Variants in EFR3B observed in about 807,000 individuals in gnomAD.
The protein encoded by EFR3B is EFR3 homolog B, also known as protein EFR3 homolog B.
A neutral mutation model predicts 104.7 loss-of-function variants in EFR3B; 64 were observed. The observed-to-expected ratio is 0.61, with a 90% CI of 0.50 to 0.75. The LOEUF (loss-of-function observed/expected upper bound fraction) is 0.75, where lower values mean the gene tolerates loss of function less well. Among genes scored for constraint, EFR3B ranks in the 30% least tolerant of loss-of-function variants. EFR3B has a pLI of 0.00. For missense variants in EFR3B, 750 were observed against 1,078.5 expected, an observed-to-expected ratio of 0.70 and a Z score of 4.27; for synonymous variants, 385 against 417.9, an observed-to-expected ratio of 0.92 and a Z score of 0.96.
intron 21 of EFR3B, among the ~76,000 whole-genome samples, 175 bp from the exon 22 acceptor site, chr2:25,153,537 C>T (rs1384814305): frequency 2.0e-5 from 3 of 152,062 alleles, no homozygotes; most frequent in South Asian, 2.1e-4. Flanking sequence ...TTCCCTGATC[C>T]GAATCTGCAG....
In EFR3B at chr2:25,137,261, A is replaced by T. The variant is rs1467840128; in HGVS notation, c.1561-80A>T. 2.0e-6 allele frequency: 3 copies of T among 1,482,632 alleles called. No homozygotes were observed. In the East Asian group the frequency reaches 7.4e-5, roughly 37 times the overall value. 91.8% of individuals were successfully genotyped at this position (1,482,632 alleles called of 1,614,324 possible). A position where few individuals can be genotyped will look rare whatever the true frequency, so the allele number is the denominator to read the frequency against. On this transcript the variant is annotated intron_variant, in intron 14 of 22. Transcript: ENST00000403714. This position sits in a 1 kb window ranked among gnomAD's most constrained non-coding sequence, Gnocchi z 4.7. Reference sequence around the variant, plus strand: ...ACACAGCCATCCTGCCCCCCTTCAGATTGGTCTTCCTCCGTGTTCTCCTTG... The same window carrying T: ...ACACAGCCATCCTGCCCCCCTTCAGTTTGGTCTTCCTCCGTGTTCTCCTTG...
chr2:25,091,366 A>C lies in EFR3B; in HGVS notation c.49A>C (p.Arg17=), dbSNP rs368229278. ...TGGTGCCCTACGCCCCAGGTACAAA[A>C]GGCTGGTTGACAACATCTTCCCTGA... is the stretch of plus-strand genomic sequence containing the variant. ...CCGALRPRYK[R]LVDNIFPEDP... is the part of the protein sequence containing the mutation. The change falls in exon 2 of 23, where the codon AGG becomes CGG. Residue 17 remains arginine (R), a synonymous_variant. Coordinates refer to ENST00000403714, the MANE Select transcript of EFR3B (RefSeq NM_014971.2). The C allele has an allele frequency of 1.9e-6, 3 of 1,549,660 alleles. No individual in the cohort carries two copies. Among genetic ancestry groups the C allele is most frequent in the Non-Finnish European group, 2.6e-6 (3 of 1,146,294 alleles).
Position 25,070,889 on chromosome 2 carries a change from G to A in EFR3B, c.8-20436G>A, listed in dbSNP as rs558713748. On this transcript the variant is annotated intron_variant, in intron 1 of 22. Coordinates refer to ENST00000403714, the MANE Select transcript of EFR3B (RefSeq NM_014971.2). ...TTCGGATTAATGCAGAGATCCGCAC[G>A]TTAATGGAAATGAAAACAAAGGAGA... Among the ~76,000 whole-genome samples the A allele has an allele frequency of 1.1e-4, 17 of 152,270 alleles. No individual in the cohort carries two copies. The East Asian group carries it at 1.3e-3, about 12-fold the overall frequency.
At chr2:25,124,294 GT>G in intron 5 of EFR3B, among the ~76,000 whole-genome samples, 1 of 117,190 alleles carries the variant, frequency 8.5e-6, no homozygotes, top group African/African-American at 5.0e-5. Context: ...GTGTGTGTGT[GT>G]GTGTGTGTGT....
intron 1 of EFR3B, among the ~76,000 whole-genome samples, chr2:25,070,753 G>A (rs1459019388): frequency 6.6e-6 from 1 of 152,176 alleles, no homozygotes; most frequent in East Asian, 1.9e-4. Context: ...GAGAGGCGGG[G>A]TGGCAGTGGG....
rs907570407 is a variant in EFR3B, at chr2:25,156,295, T to A, written c.*1955T>A. 5.3e-5 allele frequency: 7 copies of A among 133,284 alleles called. No homozygotes were observed. The highest frequency in any genetic ancestry group is 9.5e-5 in the Non-Finnish European group (6 of 63,006). The allele number at this position is 133,284 out of a possible 1,614,324, so 8.3% of individuals were successfully genotyped here. A position where few individuals can be genotyped will look rare whatever the true frequency, so the allele number is the denominator to read the frequency against. ...GCACACAGCTTCTTTTTCTTGTTTT[T>A]TTTTTTTTTTTTTTTTTTTTGAGAC... is the stretch of plus-strand genomic sequence containing the variant. On this transcript the variant is annotated 3_prime_UTR_variant, in exon 23 of 23. Coordinates refer to ENST00000403714, the MANE Select transcript of EFR3B (RefSeq NM_014971.2).
chr2:25,076,325 A>G (rs2149177046), intron 1 of EFR3B, among the ~76,000 whole-genome samples: 1 of 152,318 alleles, frequency 6.6e-6, no homozygotes, highest in East Asian at 1.9e-4. Flanking sequence ...TAAGTTGGGA[A>G]AAAGATTTTA....
At chr2:25,142,673 C>A (rs1670702195) in intron 17 of EFR3B, among the ~76,000 whole-genome samples, 1 of 147,210 alleles carries the variant, frequency 6.8e-6, no homozygotes, top group African/African-American at 2.5e-5. Context: ...GCAGGAGAAT[C>A]CCTTGAACCT....
rs1671242247 is a variant in EFR3B at position 25,158,772 on chromosome 2, T to A, written c.*4432T>A. On this transcript the variant is annotated 3_prime_UTR_variant, in exon 23 of 23. Transcript: ENST00000403714. ...CCCATGACTGTTGATTTCTGGCGCG[T>A]GGAGGCAGAGTTGTGAATCCACAAA... 6.6e-6 allele frequency: 1 copy of A among 152,158 alleles called. No individual in the cohort carries two copies. The highest frequency in any genetic ancestry group is 1.5e-5 in the Non-Finnish European group (1 of 68,072). The allele number at this position is 152,158 out of a possible 1,614,324, so 9.4% of individuals were successfully genotyped here.
chr2:25,147,024 C>T lies in EFR3B; in HGVS notation c.2142+1973C>T, dbSNP rs146559237. 12 of 152,640 alleles carry T rather than the reference C, an allele frequency of 7.9e-5. No individual in the cohort carries two copies. The East Asian group carries it at 1.2e-3, about 15-fold the overall frequency. 9.5% of individuals were successfully genotyped at this position (152,640 alleles called of 1,614,324 possible). ...TCTCGATCTCTCCCACGCTGCGCTC[C>T]GCCATCTCCAGGCCTTTGCTAGTGC... On this transcript the variant is annotated intron_variant, in intron 19 of 22. Coordinates refer to ENST00000403714, the MANE Select transcript of EFR3B (RefSeq NM_014971.2).
chr2:25,080,587 C>G, intron 1 of EFR3B: 1 of 532,036 alleles, frequency 1.9e-6, no homozygotes, highest in African/African-American at 1.9e-5. Flanking sequence ...AGCCACCACT[C>G]CTGGCCCCTG....
intron 15 of EFR3B, among the ~76,000 whole-genome samples, chr2:25,138,391 G>A (rs980980540): frequency 8.5e-5 from 13 of 152,106 alleles, no homozygotes; most frequent in Non-Finnish European, 1.2e-4. Flanking sequence ...TCCTGGGTGC[G>A]TGTGTACACC....
intron 1 of EFR3B, among the ~76,000 whole-genome samples, chr2:25,062,541 G>T (rs1013958264): frequency 6.6e-6 from 1 of 152,232 alleles, no homozygotes; most frequent in Non-Finnish European, 1.5e-5. Context: ...CTAGGAGACG[G>T]ACGGTCAAGG....
At chr2:25,090,964 G>A (rs1329098685) in intron 1 of EFR3B, among the ~76,000 whole-genome samples, 1 of 152,190 alleles carries the variant, frequency 6.6e-6, no homozygotes, top group African/African-American at 2.4e-5. Context: ...GTGTGAGTGT[G>A]TGTAATAGCA....
rs570914738 is a variant in EFR3B at position 25,091,306 on chromosome 2, T to C, written c.8-19T>C. On this transcript the variant is annotated intron_variant, in intron 1 of 22. Transcript: ENST00000403714. ...CGACCAGGAGGCTTTGCTCACAGTT[T>C]TTCCCATTCTTATTCCAGGTGTGTG... is the stretch of plus-strand genomic sequence containing the variant. The C allele has an allele frequency of 6.5e-7, 1 of 1,548,962 alleles. No individual in the cohort carries two copies. The highest frequency in any genetic ancestry group is 2.5e-5 in the East Asian group (1 of 40,652).
intron 1 of EFR3B, among the ~76,000 whole-genome samples, chr2:25,062,743 AGGCCCATACGGCAG>A (rs1668230768): frequency 1.3e-5 from 2 of 152,034 alleles, no homozygotes; most frequent in Non-Finnish European, 2.9e-5. Flanking sequence ...CAGTGGGGGG[AGGCCCATACGGCAG>A]GGCCATCTGA....
chr2:25,101,109 G>C (rs1669421258), intron 3 of EFR3B, among the ~76,000 whole-genome samples: 1 of 152,186 alleles, frequency 6.6e-6, no homozygotes, highest in South Asian at 2.1e-4. Context: ...AAAGACAGTG[G>C]CTCCAGCAAT....
intron 3 of EFR3B, among the ~76,000 whole-genome samples, chr2:25,099,092 C>T (rs1236338813): frequency 6.6e-6 from 1 of 152,122 alleles, no homozygotes; most frequent in African/African-American, 2.4e-5. Context: ...GCTGCCTGCC[C>T]TCATTTCCTA....
rs1174343453 is a variant in EFR3B, at chr2:25,149,507, C to T, written c.2143-187C>T. ...AGGAATGAGCTTCCCCGCTGCATCT[C>T]GCTGTCCTCTGTGCCTGCTCAGGGA... On this transcript the variant is annotated intron_variant, in intron 19 of 22. Coordinates refer to ENST00000403714, the MANE Select transcript of EFR3B (RefSeq NM_014971.2). 2.6e-5 allele frequency among the ~76,000 whole-genome samples: 4 copies of T among 152,144 alleles called. No individual in the cohort carries two copies. In the East Asian group the frequency reaches 5.8e-4, roughly 22 times the overall value.
Sources: allele counts gnomAD v4.1 joint callset (sites outside exome capture counted in the v4.1 genomes callset), GRCh38; gene constraint gnomAD v4.1.1; non-coding constraint Gnocchi (gnomAD v3.1); transcripts MANE v1.5; gene names NCBI Gene and HGNC (gene_info 2026-07-23, HGNC 2026-07-21).